SLC24A2: variants seen among roughly 807,000 people sequenced by gnomAD.
SLC24A2 encodes the protein sodium/potassium/calcium exchanger 2.
In SLC24A2, 36 loss-of-function variants were observed where a neutral mutation model predicts 62.0. The observed-to-expected ratio is 0.58, with a 90% CI of 0.44 to 0.77. The LOEUF is 0.77. Among genes scored for constraint, SLC24A2 ranks in the 30% least tolerant of loss-of-function variants. The probability of loss-of-function intolerance (pLI) is 0.00; values close to 1 mark genes in which losing one functional copy is unlikely to be tolerated. For synonymous variants in SLC24A2, 358 were observed against 294.0 expected (o/e 1.22, Z -2.23); for missense variants, 846 against 817.9 (o/e 1.03, Z -0.42).
intron 2 of SLC24A2, among the ~76,000 whole-genome samples, chr9:19,704,212 T>G (rs1444003357): frequency 1.3e-5 from 2 of 152,198 alleles, no homozygotes; most frequent in Non-Finnish European, 2.9e-5. Context: ...TTCCAACAAG[T>G]TCTCCAGTGA....
the SLC24A2 span, among the ~76,000 whole-genome samples, chr9:19,947,850 A>AAGAT: frequency 6.7e-6 from 1 of 149,988 alleles, no homozygotes; most frequent in East Asian, 2.0e-4. Context: ...GAAAGAAAGA[A>AAGAT]ATTAGTTCAA....
chr9:20,078,195 CTG>C, the SLC24A2 span, among the ~76,000 whole-genome samples: 2 of 152,286 alleles, frequency 1.3e-5, no homozygotes, highest in Non-Finnish European at 2.9e-5. Context: ...CAGTGCCAGA[CTG>C]TGCACTCCAT....
At position 19,786,259 on chromosome 9, in the gene SLC24A2, A is replaced by C. The variant is rs773633669; in HGVS notation, c.608T>G (p.Val203Gly). ...LIGVFIAHSN[V>G]GIGTIVGSAV... ...TGAACCTACAATTGTGCCTATGCCAACGTTGCTGTGAGCGATAAATACCCC... is the reference window on the plus strand; with the variant it reads ...TGAACCTACAATTGTGCCTATGCCACCGTTGCTGTGAGCGATAAATACCCC... Residue 203 changes from valine (V) to glycine (G), a missense_variant, in exon 2 of 11, where the codon GTT becomes GGT. By Grantham distance (109) the Val-to-Gly change is moderately radical (BLOSUM62 -3). Coordinates refer to ENST00000341998, the MANE Select transcript of SLC24A2 (RefSeq NM_020344.4). The surrounding 1 kb of genome is among the most constrained non-coding windows in gnomAD (Gnocchi z 5.0). The C allele has an allele frequency of 1.2e-6, 2 of 1,614,036 alleles. No individual in the cohort carries two copies. The highest frequency in any genetic ancestry group is 2.7e-5 in the African/African-American group (2 of 74,928).
At chr9:19,821,086 T>C in the SLC24A2 span, among the ~76,000 whole-genome samples, 6 of 152,100 alleles carry the variant, frequency 3.9e-5, no homozygotes, top group Admixed American at 6.6e-5. Context: ...TCTGAAGGAT[T>C]GTTATGTAGG....
chr9:20,139,749 T>C, the SLC24A2 span, among the ~76,000 whole-genome samples: 1 of 152,184 alleles, frequency 6.6e-6, no homozygotes, highest in South Asian at 2.1e-4. Flanking sequence ...ATCTGCCTCC[T>C]GTCTGAATCC....
chr9:19,634,648 C>A (rs1047340387), intron 2 of SLC24A2, among the ~76,000 whole-genome samples: 5 of 152,104 alleles, frequency 3.3e-5, no homozygotes, highest in Non-Finnish European at 5.9e-5. Flanking sequence ...TTTGCATTCC[C>A]CAAGTAAACA....
At chr9:20,209,395 T>C in the SLC24A2 span, among the ~76,000 whole-genome samples, 1 of 152,240 alleles carries the variant, frequency 6.6e-6, no homozygotes. Context: ...CCTTCCTTAT[T>C]GCTCATAACC....
At chr9:20,021,222 G>A in the SLC24A2 span, among the ~76,000 whole-genome samples, 1 of 152,130 alleles carries the variant, frequency 6.6e-6, no homozygotes, top group Admixed American at 6.5e-5. Context: ...AAACTGGAAG[G>A]TGAGTGTGGA....
the SLC24A2 span, among the ~76,000 whole-genome samples, chr9:20,006,104 C>T: frequency 1.3e-5 from 2 of 151,308 alleles, no homozygotes; most frequent in African/African-American, 2.4e-5. Flanking sequence ...TAGTAGAATA[C>T]AATATATACA....
chr9:19,695,145 T>A (rs1488778820), intron 2 of SLC24A2, among the ~76,000 whole-genome samples: 1 of 152,116 alleles, frequency 6.6e-6, no homozygotes, highest in Non-Finnish European at 1.5e-5. Flanking sequence ...ATGGTGCTAC[T>A]GGCATCTAGT....
chr9:19,516,436 G>C, intron 10 of SLC24A2, 34 bp from the exon 11 acceptor site: 1 of 1,610,520 alleles, frequency 6.2e-7, no homozygotes. Context: ...GAGGGGAGTG[G>C]GAAGACAAGG....
At chr9:19,760,701 C>A (rs753917736) in intron 2 of SLC24A2, among the ~76,000 whole-genome samples, 1 of 151,958 alleles carries the variant, frequency 6.6e-6, no homozygotes, top group Admixed American at 6.6e-5. Flanking sequence ...TTAAGTCAGT[C>A]TTTTTTATGG....
At chr9:20,119,209 T>C in the SLC24A2 span, among the ~76,000 whole-genome samples, 2 of 152,120 alleles carry the variant, frequency 1.3e-5, no homozygotes, top group East Asian at 1.9e-4. Context: ...AACGAGAATA[T>C]AGCATGGCCA....
chr9:19,634,899 G>T (rs1187183721), intron 2 of SLC24A2, among the ~76,000 whole-genome samples: 1 of 152,056 alleles, frequency 6.6e-6, no homozygotes, highest in Non-Finnish European at 1.5e-5. Flanking sequence ...AAATAGAGAT[G>T]AAATTGAGAT....
chr9:19,516,610 C>T (rs569159430), intron 10 of SLC24A2, among the ~76,000 whole-genome samples: 15 of 152,294 alleles, frequency 9.8e-5, no homozygotes, highest in African/African-American at 2.6e-4. Flanking sequence ...TATGTCCTGA[C>T]TGAATTCAGA....
the SLC24A2 span, among the ~76,000 whole-genome samples, chr9:20,304,049 C>T: frequency 6.6e-6 from 1 of 152,136 alleles, no homozygotes; most frequent in African/African-American, 2.4e-5. Flanking sequence ...AAAACAGTTC[C>T]AAGTACTAAT....
the SLC24A2 span, among the ~76,000 whole-genome samples, chr9:20,063,622 C>T: frequency 1.3e-4 from 19 of 151,708 alleles, no homozygotes; most frequent in South Asian, 2.1e-4. Context: ...TGCACATGTA[C>T]CCTAAAACTT....
chr9:20,130,302 A>T, the SLC24A2 span, among the ~76,000 whole-genome samples: 3 of 152,066 alleles, frequency 2.0e-5, no homozygotes, highest in Non-Finnish European at 4.4e-5. Flanking sequence ...TGAATGAAAT[A>T]GGTAATTTCA....
chr9:19,594,345 TA>T (rs1411980627), intron 5 of SLC24A2, among the ~76,000 whole-genome samples: 1 of 152,200 alleles, frequency 6.6e-6, no homozygotes, highest in Non-Finnish European at 1.5e-5. Flanking sequence ...AATAGGTGCT[TA>T]AAAATAATAA....
Sources: allele counts gnomAD v4.1 joint callset (sites outside exome capture counted in the v4.1 genomes callset), GRCh38; gene constraint gnomAD v4.1.1; non-coding constraint Gnocchi (gnomAD v3.1); transcripts MANE v1.5; gene names NCBI Gene and HGNC (gene_info 2026-07-23, HGNC 2026-07-21).